The following PRKAG2 variants were observed in gnomAD, a reference collection of about 807,000 sequenced individuals.
The protein encoded by PRKAG2 is protein kinase AMP-activated non-catalytic subunit gamma 2.
A neutral mutation model predicts 69.6 loss-of-function variants in PRKAG2; 26 were observed. The observed-to-expected ratio is 0.37, with a 90% CI of 0.27 to 0.52. The LOEUF is 0.52. Ranked by LOEUF, PRKAG2 falls within the 20% of genes least tolerant of loss-of-function variation. The probability of loss-of-function intolerance (pLI) is 0.90; values close to 1 mark genes in which losing one functional copy is unlikely to be tolerated. For synonymous variants in PRKAG2, 293 were observed against 285.0 expected, an observed-to-expected ratio of 1.03 and a Z score of -0.28; for missense variants, 557 against 740.0, an observed-to-expected ratio of 0.75 and a Z score of 2.87.
At chr7:151,650,091 C>T (rs372458084) in intron 4 of PRKAG2, among the ~76,000 whole-genome samples, 88 of 152,112 alleles carry the variant, frequency 5.8e-4, no homozygotes, top group Non-Finnish European at 1.0e-3. Flanking sequence ...CACGGTGGCA[C>T]GCGCCTATAG....
chr7:151,589,235 T>C (rs1010443201), intron 6 of PRKAG2, among the ~76,000 whole-genome samples: 20 of 152,166 alleles, frequency 1.3e-4, no homozygotes, highest in Non-Finnish European at 2.4e-4. Context: ...GAATACAGTT[T>C]GTTGTTTTCC....
rs573728377 is a variant in PRKAG2 at position 151,854,679 on chromosome 7, C to T, written c.114+21828G>A. Among the ~76,000 whole-genome samples the T allele has an allele frequency of 1.6e-4, 24 of 152,342 alleles. No homozygotes were observed. The South Asian group carries it at 5.0e-3, about 32-fold the overall frequency. On this transcript the variant is annotated intron_variant, in intron 1 of 15. Transcript: ENST00000287878. ...TGGGCTGAGACTGGAGCTCAGCCTT[C>T]CTGGCTCCCACTCCTTGAGCTCAGG...
chr7:151,854,368 G>A (rs1304538209), intron 1 of PRKAG2, among the ~76,000 whole-genome samples: 4 of 152,248 alleles, frequency 2.6e-5, no homozygotes, highest in Non-Finnish European at 1.5e-5. Flanking sequence ...AGCAGCACAC[G>A]GACCAGCTGG....
intron 6 of PRKAG2, among the ~76,000 whole-genome samples, chr7:151,586,358 C>T (rs748985168): frequency 4.0e-4 from 61 of 152,218 alleles, no homozygotes; most frequent in Non-Finnish European, 7.1e-4. Context: ...AATTCATGAC[C>T]GATTCCATTC....
intron 4 of PRKAG2, among the ~76,000 whole-genome samples, chr7:151,633,621 A>G (rs1825206582): frequency 6.6e-6 from 1 of 152,096 alleles, no homozygotes; most frequent in Non-Finnish European, 1.5e-5. Context: ...CAATGAACAC[A>G]TGGAAAAATA....
At chr7:151,658,545 T>C (rs73481935) in intron 4 of PRKAG2, among the ~76,000 whole-genome samples, 3,507 of 151,936 alleles carry the variant, frequency 0.023, 151 homozygotes, top group African/African-American at 0.08. Flanking sequence ...AGAGTTGTTT[T>C]ATGCATTTGC....
intron 4 of PRKAG2, among the ~76,000 whole-genome samples, chr7:151,653,815 C>T (rs1179706072): frequency 6.6e-6 from 1 of 152,102 alleles, no homozygotes; most frequent in African/African-American, 2.4e-5. Context: ...GCACTCTAGC[C>T]TGAGTGACAG....
At position 151,850,272 on chromosome 7, in the gene PRKAG2, C is replaced by T. The variant is rs973029560; in HGVS notation, c.114+26235G>A. Among the ~76,000 whole-genome samples, 1 of 152,208 alleles carries T rather than the reference C, an allele frequency of 6.6e-6. No individual in the cohort carries two copies. On this transcript the variant is annotated intron_variant, in intron 1 of 15. Coordinates refer to ENST00000287878, the MANE Select transcript of PRKAG2 (RefSeq NM_016203.4). The surrounding 1 kb of genome is among the most constrained non-coding windows in gnomAD (Gnocchi z 4.1). ...GAAACCTGGAGGTACAGTCCCCTCA[C>T]CTAGAACGCTTCTTGAGTGTTTAAT...
rs1292718730 is a variant in PRKAG2 at position 151,877,040 on chromosome 7, CTA to C, written c.-422_-421del. On this transcript the variant is annotated 5_prime_UTR_variant, in exon 1 of 16. An upstream open reading frame in the 5' UTR gains an earlier in-frame stop. Coordinates refer to ENST00000287878, the MANE Select transcript of PRKAG2 (RefSeq NM_016203.4). The stretch of plus-strand genomic sequence containing the variant: ...ACCAGCAATTTGGAAAACAAGCCTC[CTA>C]TGCCTGTGCCCAAGTGGGGAATCTG... The C allele has an allele frequency of 2.4e-5, 7 of 285,930 alleles. No homozygotes were observed. The highest frequency in any genetic ancestry group is 1.5e-4 in the African/African-American group (7 of 45,636). 17.7% of individuals were successfully genotyped at this position (285,930 alleles called of 1,614,324 possible).
intron 3 of PRKAG2, among the ~76,000 whole-genome samples, chr7:151,706,112 G>C (rs1838558642): frequency 6.6e-6 from 1 of 152,180 alleles, no homozygotes; most frequent in Non-Finnish European, 1.5e-5. Flanking sequence ...ACTTCAGTGT[G>C]ACTCAGCACA....
chr7:151,608,192 T>G (rs1228028493), intron 5 of PRKAG2, among the ~76,000 whole-genome samples: 1 of 152,152 alleles, frequency 6.6e-6, no homozygotes, highest in African/African-American at 2.4e-5. Context: ...GAACCACCCC[T>G]GCTGAGGACT....
intron 1 of PRKAG2, among the ~76,000 whole-genome samples, chr7:151,844,625 A>G (rs2079387768): frequency 5.9e-5 from 9 of 152,234 alleles, no homozygotes; most frequent in Admixed American, 5.9e-4. Flanking sequence ...AGTGAGCACT[A>G]TGCAAACACG....
chr7:151,588,359 G>A lies in PRKAG2; in HGVS notation c.864+6986C>T, dbSNP rs148038940. Among the ~76,000 whole-genome samples the A allele has an allele frequency of 9.0e-3, 1,335 of 148,358 alleles. 29 individuals carry two copies. The highest frequency in any genetic ancestry group is 0.032 in the African/African-American group (1,275 of 39,602). ...TCATGATAGTGAATAAGTCTCACAAGATCTGATTTTTTTTTTTTTTAAGAC... is the reference window on the plus strand; with the variant it reads ...TCATGATAGTGAATAAGTCTCACAAAATCTGATTTTTTTTTTTTTTAAGAC... On this transcript the variant is annotated intron_variant, in intron 6 of 15. Transcript: ENST00000287878.
rs1398538350 is a variant in PRKAG2 at position 151,850,664 on chromosome 7, G to A, written c.114+25843C>T. On this transcript the variant is annotated intron_variant, in intron 1 of 15. Coordinates refer to ENST00000287878, the MANE Select transcript of PRKAG2 (RefSeq NM_016203.4). The surrounding 1 kb of genome is among the most constrained non-coding windows in gnomAD (Gnocchi z 4.1). ...CCCCACCTCCATCGTCCTGTGTCCAGGAACATGGCCCTTGTGCCCCACCAG... is the reference window on the plus strand; with the variant it reads ...CCCCACCTCCATCGTCCTGTGTCCAAGAACATGGCCCTTGTGCCCCACCAG... Among the ~76,000 whole-genome samples the A allele has an allele frequency of 6.6e-6, 1 of 152,192 alleles. No individual in the cohort carries two copies. Among genetic ancestry groups the A allele is most frequent in the African/African-American group, 2.4e-5 (1 of 41,448 alleles).
chr7:151,727,596 T>A (rs929943412), intron 3 of PRKAG2, among the ~76,000 whole-genome samples: 45 of 152,152 alleles, frequency 3.0e-4, no homozygotes, highest in Admixed American at 2.9e-3. Flanking sequence ...CAACTGGACA[T>A]CCCTCCTCAG....
At chr7:151,776,509 C>T (rs952853567) in intron 3 of PRKAG2, among the ~76,000 whole-genome samples, 1 of 152,248 alleles carries the variant, frequency 6.6e-6, no homozygotes, top group Non-Finnish European at 1.5e-5. Context: ...CAACGTCCCA[C>T]CATGTCCACC....
At chr7:151,865,944 T>C (rs1390967480) in intron 1 of PRKAG2, among the ~76,000 whole-genome samples, 6 of 145,700 alleles carry the variant, frequency 4.1e-5, no homozygotes, top group South Asian at 2.1e-4. Flanking sequence ...GGTGTGAACC[T>C]GGGAGGCGGA....
chr7:151,579,951 T>C (rs945546197), intron 6 of PRKAG2, among the ~76,000 whole-genome samples: 2 of 152,230 alleles, frequency 1.3e-5, no homozygotes, highest in African/African-American at 4.8e-5. Context: ...GGTTAGAGCA[T>C]ATATCCAGTG....
intron 1 of PRKAG2, chr7:151,809,887 T>C (rs1015979850): frequency 6.6e-6 from 1 of 152,284 alleles, no homozygotes; most frequent in African/African-American, 2.4e-5. Flanking sequence ...AACTGTCTGA[T>C]GGCTACGGTT....
Sources: gnomAD v4.1 joint callset for allele counts (sites outside exome capture counted in the v4.1 genomes callset) on GRCh38, gnomAD v4.1.1 for gene constraint, Gnocchi (gnomAD v3.1) non-coding constraint, MANE v1.5 for transcripts, NCBI Gene and HGNC (gene_info 2026-07-23, HGNC 2026-07-21) for gene names.